The following GRIN2A variants were observed in gnomAD, a reference collection of about 807,000 sequenced individuals.
The protein encoded by GRIN2A is glutamate receptor ionotropic, NMDA 2A.
In GRIN2A, 22 loss-of-function variants were observed where a neutral mutation model predicts 113.4. The ratio of observed to expected loss-of-function variants is 0.19; its 90% CI spans 0.14 to 0.28. GRIN2A has a LOEUF of 0.28. Among genes scored for constraint, GRIN2A ranks in the 10% least tolerant of loss-of-function variants. The pLI is 1.00. For missense variants in GRIN2A, 1,502 were observed against 1,887.0 expected, an observed-to-expected ratio of 0.80 and a Z score of 3.78; for synonymous variants, 827 against 738.4, an observed-to-expected ratio of 1.12 and a Z score of -1.94.
intron 2 of GRIN2A, among the ~76,000 whole-genome samples, chr16:10,176,006 T>A (rs2050138412): frequency 6.7e-6 from 1 of 148,324 alleles, no homozygotes; most frequent in Admixed American, 6.7e-5. Flanking sequence ...TTTCCTTCTT[T>A]TTTTTTTTTT....
intron 2 of GRIN2A, among the ~76,000 whole-genome samples, chr16:10,157,867 T>G (rs2049732359): frequency 1.3e-5 from 2 of 152,168 alleles, no homozygotes; most frequent in African/African-American, 4.8e-5. Context: ...TATTTTTGGT[T>G]TTTTTACTAG....
At chr16:9,858,450 A>G (rs1265927466) in intron 4 of GRIN2A, among the ~76,000 whole-genome samples, 1 of 152,094 alleles carries the variant, frequency 6.6e-6, no homozygotes, top group Non-Finnish European at 1.5e-5. Context: ...GTGTGGGAGG[A>G]GAAAAAAAAT....
chr16:9,779,840 G>A lies in GRIN2A; in HGVS notation c.2357-10751C>T, dbSNP rs114119728. On this transcript the variant is annotated intron_variant, in intron 11 of 12. Transcript: ENST00000330684. ...CAGATGGGGTGAGACAGTGGCCAGG[G>A]ATGAGTGGAAGAGCACATGCGGGTG... 2.9e-3 allele frequency among the ~76,000 whole-genome samples: 438 copies of A among 152,288 alleles called. 5 individuals carry two copies. Among genetic ancestry groups the A allele is most frequent in the African/African-American group, 0.01 (424 of 41,546 alleles).
chr16:9,757,847 G>T lies in GRIN2A; in HGVS notation c.*5302C>A. The T allele has an allele frequency of 4.4e-6, 1 of 225,872 alleles. No homozygotes were observed. Among genetic ancestry groups the T allele is most frequent in the Non-Finnish European group, 8.8e-6 (1 of 113,262 alleles). The allele number at this position is 225,872 out of a possible 1,614,324, so 14.0% of individuals were successfully genotyped here. On this transcript the variant is annotated 3_prime_UTR_variant, in exon 13 of 13. Coordinates refer to ENST00000330684, the MANE Select transcript of GRIN2A (RefSeq NM_001134407.3). ...GGAAAACCAAATTCAAAGAAGCATGGGTAGGTCTTTCTGGGGCAAGTGGCA... is the reference window on the plus strand; with the variant it reads ...GGAAAACCAAATTCAAAGAAGCATGTGTAGGTCTTTCTGGGGCAAGTGGCA...
At chr16:9,876,576 C>G (rs1017470360) in intron 4 of GRIN2A, among the ~76,000 whole-genome samples, 3 of 152,150 alleles carry the variant, frequency 2.0e-5, no homozygotes, top group African/African-American at 7.2e-5. Context: ...GTAGCCCCCA[C>G]AGCCTGGTGT....
chr16:10,072,962 T>G (rs2047788425), intron 2 of GRIN2A, among the ~76,000 whole-genome samples: 1 of 144,674 alleles, frequency 6.9e-6, no homozygotes, highest in Non-Finnish European at 1.5e-5. Context: ...TTTTTTTTTT[T>G]TTTTTGAGAC....
At chr16:9,826,529 C>CA (rs889862692) in intron 9 of GRIN2A, among the ~76,000 whole-genome samples, 2 of 151,318 alleles carry the variant, frequency 1.3e-5, no homozygotes, top group Admixed American at 1.3e-4. Context: ...AAACAAACAA[C>CA]AAAAAAACAA....
At chr16:9,778,020 G>A (rs760373977) in intron 11 of GRIN2A, among the ~76,000 whole-genome samples, 2 of 152,152 alleles carry the variant, frequency 1.3e-5, no homozygotes, top group Non-Finnish European at 2.9e-5. Flanking sequence ...AGCTGAGATC[G>A]CGCCATTGCA....
chr16:9,885,558 G>A (rs1301938166), intron 4 of GRIN2A, among the ~76,000 whole-genome samples: 3 of 152,186 alleles, frequency 2.0e-5, no homozygotes, highest in Non-Finnish European at 4.4e-5. Context: ...GCCCCTCTAA[G>A]GGCTTGTCGT....
At chr16:9,893,227 AAAG>A (rs2141488978) in intron 3 of GRIN2A, among the ~76,000 whole-genome samples, 1 of 152,346 alleles carries the variant, frequency 6.6e-6, no homozygotes, top group South Asian at 2.1e-4. Flanking sequence ...ATTTAATGTT[AAAG>A]AAGCAGAAAA....
intron 3 of GRIN2A, among the ~76,000 whole-genome samples, chr16:9,901,049 C>G (rs116970852): frequency 6.6e-6 from 1 of 152,104 alleles, no homozygotes. Flanking sequence ...ATTCAAGGTG[C>G]GATTTTTATT....
intron 2 of GRIN2A, among the ~76,000 whole-genome samples, chr16:10,175,810 G>T (rs564526405): frequency 2.0e-5 from 3 of 152,162 alleles, no homozygotes; most frequent in Non-Finnish European, 4.4e-5. Context: ...AAGTGATGGG[G>T]GGTGAGAGGG....
At chr16:9,871,634 C>T (rs1280527770) in intron 4 of GRIN2A, among the ~76,000 whole-genome samples, 1 of 152,094 alleles carries the variant, frequency 6.6e-6, no homozygotes, top group Non-Finnish European at 1.5e-5. Context: ...TGACCATGTT[C>T]CAATCAATTC....
At chr16:10,114,347 T>C (rs1190428848) in intron 2 of GRIN2A, among the ~76,000 whole-genome samples, 1 of 152,190 alleles carries the variant, frequency 6.6e-6, no homozygotes, top group Non-Finnish European at 1.5e-5. Flanking sequence ...GAAGAGGTTT[T>C]GATCCACCCA....
intron 2 of GRIN2A, chr16:9,943,341 G>A (rs1266049569): frequency 6.6e-6 from 1 of 152,234 alleles, no homozygotes; most frequent in African/African-American, 2.4e-5. Flanking sequence ...AGCGAGGGAG[G>A]CAGGAGGGTG....
At chr16:10,006,485 T>C (rs920032805) in intron 2 of GRIN2A, among the ~76,000 whole-genome samples, 1 of 152,206 alleles carries the variant, frequency 6.6e-6, no homozygotes, top group African/African-American at 2.4e-5. Context: ...TCATTTTATT[T>C]CTTAAAAAAT....
At chr16:10,040,237 TCACACCACACACACATC>T (rs1464374664) in intron 2 of GRIN2A, among the ~76,000 whole-genome samples, 14 of 64,400 alleles carry the variant, frequency 2.2e-4, no homozygotes, top group Non-Finnish European at 9.5e-5. Context: ...ACACACACAT[TCACACCACACACACATC>T]CACACCACAC....
At chr16:10,152,211 T>C (rs1258934144) in intron 2 of GRIN2A, among the ~76,000 whole-genome samples, 2 of 152,170 alleles carry the variant, frequency 1.3e-5, no homozygotes, top group Non-Finnish European at 2.9e-5. Flanking sequence ...GCTAGTGCCA[T>C]TTCCATTTGC....
intron 7 of GRIN2A, among the ~76,000 whole-genome samples, chr16:9,835,758 T>A (rs545189314): frequency 2.6e-5 from 4 of 152,278 alleles, no homozygotes; most frequent in African/African-American, 9.6e-5. Context: ...CTTATTAGAG[T>A]ATGACTACTT....
Sources: gnomAD v4.1 joint callset for allele counts (sites outside exome capture counted in the v4.1 genomes callset) on GRCh38, gnomAD v4.1.1 for gene constraint, MANE v1.5 for transcripts, NCBI Gene and HGNC (gene_info 2026-07-23, HGNC 2026-07-21) for gene names.